Variants in DNAH12 observed in about 807,000 individuals in gnomAD.
The protein encoded by DNAH12 is axonemal beta dynein heavy chain 12.
In DNAH12, 285 loss-of-function variants were observed where a neutral mutation model predicts 371.5. That is an observed-to-expected ratio of 0.77 (90% CI 0.70 to 0.85). The LOEUF is 0.85. Ranked by LOEUF, DNAH12 falls within the 40% of genes least tolerant of loss-of-function variation. The probability of loss-of-function intolerance (pLI) is 0.00; values close to 1 mark genes in which losing one functional copy is unlikely to be tolerated. For missense variants in DNAH12, 3,611 were observed against 3,689.4 expected (o/e 0.98, Z 0.55); for synonymous variants, 1,200 against 1,213.0 (o/e 0.99, Z 0.22).
chr3:57,440,073 TG>T (rs1283271669), intron 29 of DNAH12, among the ~76,000 whole-genome samples: 2 of 152,232 alleles, frequency 1.3e-5, no homozygotes, highest in Admixed American at 1.3e-4. Context: ...CATATGCTGT[TG>T]GTAGGAATGC....
At chr3:57,406,641 T>C (rs1337275633) in intron 40 of DNAH12, among the ~76,000 whole-genome samples, 1 of 152,160 alleles carries the variant, frequency 6.6e-6, no homozygotes, top group African/African-American at 2.4e-5. Flanking sequence ...AGATAACTCA[T>C]GCTGAATCAT....
chr3:57,501,987 A>G (rs903703994), intron 10 of DNAH12, among the ~76,000 whole-genome samples: 1 of 151,882 alleles, frequency 6.6e-6, no homozygotes, highest in Non-Finnish European at 1.5e-5. Context: ...GCTCACTGCA[A>G]GCTCCGCCTC....
intron 2 of DNAH12, chr3:57,530,296 G>A: frequency 3.1e-6 from 1 of 321,028 alleles, no homozygotes; most frequent in South Asian, 8.6e-5. Context: ...TCTTGTTACA[G>A]AACAATAAAC....
At chr3:57,297,728 T>G (rs2061262458) in intron 70 of DNAH12, among the ~76,000 whole-genome samples, 1 of 152,148 alleles carries the variant, frequency 6.6e-6, no homozygotes, top group Admixed American at 6.5e-5. Flanking sequence ...CTATTCATGG[T>G]CTTCTTTCTG....
chr3:57,526,495 T>C (rs1463677221), intron 2 of DNAH12, among the ~76,000 whole-genome samples: 3 of 151,922 alleles, frequency 2.0e-5, no homozygotes, highest in Non-Finnish European at 2.9e-5. Flanking sequence ...AGCCCATTCA[T>C]CTGTTTATGG....
At chr3:57,322,909 GAC>G in intron 64 of DNAH12, 96 bp downstream of exon 64, 4 of 1,449,194 alleles carry the variant, frequency 2.8e-6, no homozygotes, top group Non-Finnish European at 3.7e-6. Flanking sequence ...CAGCCTGGGA[GAC>G]AGAGTAAGAC....
chr3:57,433,309 G>T, intron 32 of DNAH12, 58 bp downstream of exon 32: 1 of 1,500,394 alleles, frequency 6.7e-7, no homozygotes. Flanking sequence ...TTTAGTTGCT[G>T]AACACATAAA....
chr3:57,460,852 T>C (rs996111127), intron 19 of DNAH12, among the ~76,000 whole-genome samples: 2 of 152,178 alleles, frequency 1.3e-5, no homozygotes, highest in Non-Finnish European at 2.9e-5. Context: ...ATACAGATAA[T>C]AACAGTGCCT....
chr3:57,414,058 A>G, intron 38 of DNAH12, 146 bp from the exon 39 acceptor site: 1 of 768,312 alleles, frequency 1.3e-6, no homozygotes, highest in South Asian at 2.0e-5. Flanking sequence ...TATTTGCTTA[A>G]TTTATCAATG....
chr3:57,314,844 T>C (rs1444399699), intron 65 of DNAH12, among the ~76,000 whole-genome samples: 3 of 152,200 alleles, frequency 2.0e-5, no homozygotes, highest in East Asian at 1.9e-4. Flanking sequence ...GGACAAACCA[T>C]AGTAATATTA....
intron 62 of DNAH12, among the ~76,000 whole-genome samples, chr3:57,333,972 A>G (rs982916516): frequency 6.6e-6 from 1 of 151,944 alleles, no homozygotes; most frequent in Admixed American, 6.6e-5. Flanking sequence ...AAAAGAAAAT[A>G]TTAGCAGATT....
chr3:57,502,201 C>T lies in DNAH12; in HGVS notation c.1243+122G>A. 4 of 1,332,686 alleles carry T rather than the reference C, an allele frequency of 3.0e-6. No homozygotes were observed. In the South Asian group the frequency reaches 5.5e-5, roughly 18 times the overall value. The allele number at this position is 1,332,686 out of a possible 1,614,324, so 82.6% of individuals were successfully genotyped here. On this transcript the variant is annotated intron_variant, in intron 10 of 73. Transcript: ENST00000495027. The stretch of plus-strand genomic sequence containing the variant: ...TTCTTGACTCTGCCAAAAGCTACGC[C>T]TATGCTCACTTCTGGCTCTCCCTGT...
intron 67 of DNAH12, among the ~76,000 whole-genome samples, chr3:57,310,069 C>T (rs2061555014): frequency 1.3e-5 from 2 of 152,162 alleles, no homozygotes; most frequent in Admixed American, 6.5e-5. Context: ...GCATACATTT[C>T]CTCTTTCTTG....
intron 9 of DNAH12, among the ~76,000 whole-genome samples, chr3:57,502,766 C>T (rs572356048): frequency 5.9e-5 from 9 of 152,196 alleles, no homozygotes; most frequent in East Asian, 5.8e-4. Context: ...AGGCTGGTCT[C>T]GAACTCCTGA....
chr3:57,323,130 G>A lies in DNAH12; in HGVS notation c.10260C>T (p.Cys3420=). 1.9e-6 allele frequency: 3 copies of A among 1,552,346 alleles called. No homozygotes were observed. Among genetic ancestry groups the A allele is most frequent in the Non-Finnish European group, 2.6e-6 (3 of 1,147,140 alleles). The change falls in exon 64 of 74, where the codon TGC becomes TGT. Residue 3420 remains cysteine (C), a synonymous_variant. Transcript: ENST00000495027. ...ACACTGCAAGATGGCAATTCTGTAG[G>A]CACACCCAAGTTCCTTCTTCAATTG... ...KAAIEEGTWV[C]LQNCHLAVSW... is the part of the protein sequence containing the mutation.
At position 57,458,082 on chromosome 3, in the gene DNAH12, T is replaced by C. The variant is rs1226773311; in HGVS notation, c.3053+17A>G. 3 of 1,540,796 alleles carry C rather than the reference T, an allele frequency of 1.9e-6. No homozygotes were observed. Among genetic ancestry groups the C allele is most frequent in the Non-Finnish European group, 2.6e-6 (3 of 1,143,800 alleles). On this transcript the variant is annotated intron_variant, in intron 21 of 73. Transcript: ENST00000495027. ...GAAAATGTTTTTAATTACAGCACAA[T>C]TGATTATTTATCATACCGAGGGAAG...
chr3:57,300,521 A>G (rs2061323637), intron 70 of DNAH12, among the ~76,000 whole-genome samples: 1 of 152,064 alleles, frequency 6.6e-6, no homozygotes, highest in Non-Finnish European at 1.5e-5. Context: ...ATATGAATTG[A>G]CAGTACACAC....
At chr3:57,503,530 A>G (rs991608455) in intron 9 of DNAH12, among the ~76,000 whole-genome samples, 4 of 151,874 alleles carry the variant, frequency 2.6e-5, no homozygotes, top group Non-Finnish European at 5.9e-5. Context: ...CTGGGAGTAC[A>G]GGCACGCGCC....
In DNAH12 at chr3:57,401,089, T is replaced by G. The variant is rs1448117079; in HGVS notation, c.6948+2220A>C. Among the ~76,000 whole-genome samples, 9 of 152,108 alleles carry G rather than the reference T, an allele frequency of 5.9e-5. No homozygotes were observed. In the East Asian group the frequency reaches 1.7e-3, roughly 29 times the overall value. ...TTTAAAAATTCACAATATATGAAAA[T>G]TAAACTGTTAATTTAATTGTTAAAC... On this transcript the variant is annotated intron_variant, in intron 43 of 73. Coordinates refer to ENST00000495027, the MANE Select transcript of DNAH12 (RefSeq NM_001366028.2).
Sources: allele counts gnomAD v4.1 joint callset (sites outside exome capture counted in the v4.1 genomes callset), GRCh38; gene constraint gnomAD v4.1.1; transcripts MANE v1.5; gene names NCBI Gene and HGNC (gene_info 2026-07-23, HGNC 2026-07-21).